EHBP1: variants seen among roughly 807,000 people sequenced by gnomAD.
EHBP1 encodes the protein EH domain binding protein 1.
EHBP1 carries 55 observed loss-of-function variants against 144.0 expected under a neutral mutation model. That is an observed-to-expected ratio of 0.38 (90% CI 0.31 to 0.48). The LOEUF is 0.48. EHBP1 is among the 20% of genes least tolerant of loss of function. The pLI is 0.98. For synonymous variants in EHBP1, 469 were observed against 472.7 expected (o/e 0.99, Z 0.10); for missense variants, 1,200 against 1,364.2 (o/e 0.88, Z 1.90).
chr2:62,986,812 A>G (rs2059212103), intron 15 of EHBP1, among the ~76,000 whole-genome samples: 1 of 152,178 alleles, frequency 6.6e-6, no homozygotes. Context: ...AATGTAAACT[A>G]TTGTTATTAA....
chr2:63,038,656 T>A (rs948878553), intron 20 of EHBP1, 87 bp from the exon 21 acceptor site: 9 of 1,228,252 alleles, frequency 7.3e-6, no homozygotes, highest in Admixed American at 3.5e-5. Context: ...CAGTTATGAG[T>A]CCTAAAATCA....
chr2:62,874,619 T>C, intron 10 of EHBP1, 87 bp downstream of exon 10: 1 of 1,205,242 alleles, frequency 8.3e-7, no homozygotes, highest in Non-Finnish European at 1.2e-6. Flanking sequence ...AAGTAATTTT[T>C]GGCTATTTTT....
rs140895281 is a variant in EHBP1 at position 62,958,098 on chromosome 2, G to C, written c.2460+2438G>C. The stretch of plus-strand genomic sequence containing the variant: ...GTGTGGAAGGAATCTGGAGCAACTA[G>C]AACTCTCACATTTTGCCAGTAGGAA... On this transcript the variant is annotated intron_variant, in intron 14 of 22. Transcript: ENST00000431489. Among the ~76,000 whole-genome samples, 279 of 152,212 alleles carry C rather than the reference G, an allele frequency of 1.8e-3. 2 individuals are homozygous for C. The highest frequency in any genetic ancestry group is 6.3e-3 in the African/African-American group (263 of 41,528).
At chr2:62,774,235 G>T (rs1471435651) in intron 5 of EHBP1, among the ~76,000 whole-genome samples, 1 of 152,038 alleles carries the variant, frequency 6.6e-6, no homozygotes, top group Non-Finnish European at 1.5e-5. Flanking sequence ...GCCAGGTATG[G>T]TGGTGCATGA....
chr2:62,823,771 A>C (rs754153608), intron 5 of EHBP1, among the ~76,000 whole-genome samples: 1 of 152,054 alleles, frequency 6.6e-6, no homozygotes, highest in Non-Finnish European at 1.5e-5. Context: ...ATTACTAGGA[A>C]CACCATTCAA....
At chr2:62,824,921 TTTTC>T (rs1301297529) in intron 5 of EHBP1, among the ~76,000 whole-genome samples, 8 of 151,962 alleles carry the variant, frequency 5.3e-5, no homozygotes, top group African/African-American at 1.9e-4. Context: ...TAATGGTAGT[TTTTC>T]TTGTCTTGGT....
At chr2:63,011,169 A>G (rs1242890681) in intron 19 of EHBP1, among the ~76,000 whole-genome samples, 1 of 150,872 alleles carries the variant, frequency 6.6e-6, no homozygotes, top group Non-Finnish European at 1.5e-5. Context: ...AAAAAAGTTT[A>G]ACAGGCAAAC....
chr2:62,918,846 GGGTAGCAA>G (rs1299677989), intron 10 of EHBP1, among the ~76,000 whole-genome samples: 5 of 152,192 alleles, frequency 3.3e-5, no homozygotes, highest in Admixed American at 3.3e-4. Context: ...GAAAATAACG[GGGTAGCAA>G]GCACCAGGAA....
intron 10 of EHBP1, among the ~76,000 whole-genome samples, chr2:62,877,410 A>C (rs549035337): frequency 4.6e-5 from 7 of 152,338 alleles, no homozygotes; most frequent in Non-Finnish European, 1.0e-4. Context: ...TGGAGCCTTC[A>C]ACACCCCACT....
intron 4 of EHBP1, among the ~76,000 whole-genome samples, chr2:62,769,106 G>A (rs1324141467): frequency 6.6e-6 from 1 of 152,162 alleles, no homozygotes; most frequent in Non-Finnish European, 1.5e-5. Flanking sequence ...CACAAGACAA[G>A]GATGCCCTTT....
intron 15 of EHBP1, chr2:62,987,843 A>G: frequency 1.4e-6 from 1 of 717,934 alleles, no homozygotes; most frequent in East Asian, 3.1e-5. Flanking sequence ...TAACTATACT[A>G]AAATACTGGT....
chr2:62,695,857 CGTGT>C (rs2034069119), intron 1 of EHBP1, among the ~76,000 whole-genome samples: 1 of 152,004 alleles, frequency 6.6e-6, no homozygotes, highest in South Asian at 2.1e-4. Context: ...GGACCACAGG[CGTGT>C]GCCACCGCAC....
At chr2:62,721,615 C>T (rs1160217840) in intron 2 of EHBP1, among the ~76,000 whole-genome samples, 1 of 152,176 alleles carries the variant, frequency 6.6e-6, no homozygotes, top group Admixed American at 6.5e-5. Context: ...AAGTTTTGGT[C>T]ACCAATTTAA....
chr2:62,759,381 G>A (rs1391452231), intron 3 of EHBP1, among the ~76,000 whole-genome samples: 7 of 152,090 alleles, frequency 4.6e-5, no homozygotes, highest in Non-Finnish European at 7.4e-5. Flanking sequence ...CTCTCATAGT[G>A]CTGATGTTTG....
chr2:62,812,588 A>G (rs1028030593), intron 5 of EHBP1, among the ~76,000 whole-genome samples: 1 of 152,150 alleles, frequency 6.6e-6, no homozygotes, highest in Admixed American at 6.5e-5. Flanking sequence ...GAGGTCTCAG[A>G]GGGAAATGAG....
intron 3 of EHBP1, among the ~76,000 whole-genome samples, chr2:62,756,205 A>G (rs1282147822): frequency 6.6e-6 from 1 of 152,110 alleles, no homozygotes; most frequent in Non-Finnish European, 1.5e-5. Flanking sequence ...TAGTCAAATA[A>G]TTTCTCTGTG....
chr2:62,988,176 C>T (rs1261241392), intron 15 of EHBP1: 3 of 558,014 alleles, frequency 5.4e-6, no homozygotes, highest in Non-Finnish European at 9.3e-6. Context: ...TAGCTTAGTC[C>T]ACCTTCCATC....
At chr2:62,926,206 A>T (rs2055493350) in intron 10 of EHBP1, among the ~76,000 whole-genome samples, 1 of 152,114 alleles carries the variant, frequency 6.6e-6, no homozygotes. Context: ...CTGGAACTAG[A>T]CTGCCACCTC....
In EHBP1 at chr2:62,993,537, C is replaced by T. The variant is rs145618145; in HGVS notation, c.2741C>T (p.Thr914Ile). The change falls in exon 17 of 23, where the codon ACA becomes ATA. Residue 914 changes from threonine (T) to isoleucine (I), a missense_variant. By Grantham distance (89) the Thr-to-Ile change is moderately conservative. Coordinates refer to ENST00000431489, the MANE Select transcript of EHBP1 (RefSeq NM_001142616.3). ...ESSEQDMKSG[T>I]EDLRTERLQK... is the part of the protein sequence containing the mutation. ...GTGTTGTTTTACGTTTAGAGTGGCACAGAAGATCTCCGGACTGAACGATTA... is the reference window on the plus strand; with the variant it reads ...GTGTTGTTTTACGTTTAGAGTGGCATAGAAGATCTCCGGACTGAACGATTA... 1.6e-3 allele frequency: 2,540 copies of T among 1,584,856 alleles called. 3 individuals carry two copies. Among genetic ancestry groups the T allele is most frequent in the Non-Finnish European group, 2.0e-3 (2,371 of 1,162,122 alleles).
Sources: allele counts gnomAD v4.1 joint callset (sites outside exome capture counted in the v4.1 genomes callset), GRCh38; gene constraint gnomAD v4.1.1; transcripts MANE v1.5; gene names NCBI Gene and HGNC (gene_info 2026-07-23, HGNC 2026-07-21).